SMARCB1: variants seen among roughly 807,000 people sequenced by gnomAD.
The protein encoded by SMARCB1 is SWI/SNF related BAF chromatin remodeling complex subunit B1.
In SMARCB1, 5 loss-of-function variants were observed where a neutral mutation model predicts 49.0. The ratio of observed to expected loss-of-function variants is 0.10; its 90% CI spans 0.05 to 0.21. The LOEUF (loss-of-function observed/expected upper bound fraction) is 0.21. SMARCB1 is among the 10% of genes least tolerant of loss of function. The pLI is 1.00. For missense variants in SMARCB1, 226 were observed against 509.2 expected, an observed-to-expected ratio of 0.44 and a Z score of 5.35; for synonymous variants, 201 against 200.1, an observed-to-expected ratio of 1.00 and a Z score of -0.04.
At chr22:23,807,350 G>A (rs565714477) in intron 5 of SMARCB1, among the ~76,000 whole-genome samples, 1 of 147,688 alleles carries the variant, frequency 6.8e-6, no homozygotes, top group Admixed American at 6.7e-5. Context: ...GCCTGAGGCT[G>A]AGGTGGGCAG....
chr22:23,798,437 C>T (rs150209429), intron 3 of SMARCB1, among the ~76,000 whole-genome samples: 650 of 152,200 alleles, frequency 4.3e-3, no homozygotes, highest in African/African-American at 0.015. Flanking sequence ...GCACTCTGAG[C>T]GGCCAGGATT....
chr22:23,807,389 G>C (rs927809246), intron 5 of SMARCB1, among the ~76,000 whole-genome samples: 2 of 152,088 alleles, frequency 1.3e-5, no homozygotes, highest in African/African-American at 4.8e-5. Flanking sequence ...TTCAAGACCA[G>C]CCTGGGTGTC....
intron 8 of SMARCB1, 96 bp downstream of exon 8, chr22:23,833,799 T>C: frequency 7.1e-7 from 1 of 1,400,962 alleles, no homozygotes; most frequent in Non-Finnish European, 1.0e-6. Context: ...CCATGGTCTC[T>C]GAGACAGAGT....
intron 3 of SMARCB1, 51 bp from the exon 4 acceptor site, chr22:23,800,893 C>T (rs1441362763): frequency 2.2e-6 from 3 of 1,347,238 alleles, no homozygotes; most frequent in South Asian, 2.3e-5. Flanking sequence ...TCCTGGTGGG[C>T]AGGATCAGGC....
intron 3 of SMARCB1, among the ~76,000 whole-genome samples, chr22:23,800,337 C>G (rs9620325): frequency 6.6e-6 from 1 of 152,240 alleles, no homozygotes; most frequent in Non-Finnish European, 1.5e-5. Context: ...TTCTCAACTT[C>G]TACTGCTGTG....
chr22:23,798,620 C>G (rs996745955), intron 3 of SMARCB1, among the ~76,000 whole-genome samples: 8 of 152,082 alleles, frequency 5.3e-5, no homozygotes, highest in African/African-American at 1.7e-4. Context: ...GTAAGTGATT[C>G]CCACTTTAGA....
chr22:23,813,655 TATC>T (rs1374677705), intron 5 of SMARCB1, among the ~76,000 whole-genome samples: 4 of 152,198 alleles, frequency 2.6e-5, no homozygotes, highest in African/African-American at 7.2e-5. Flanking sequence ...TAAGTAGACA[TATC>T]ATATTCATGG....
At chr22:23,801,305 C>G in intron 4 of SMARCB1, 1 of 735,614 alleles carries the variant, frequency 1.4e-6, no homozygotes, top group Non-Finnish European at 2.4e-6. Flanking sequence ...TCCTCCTCAC[C>G]TCTCTGGCCC....
At chr22:23,810,607 CATGATAAGAAAAA>C (rs1929813877) in intron 5 of SMARCB1, among the ~76,000 whole-genome samples, 1 of 149,680 alleles carries the variant, frequency 6.7e-6, no homozygotes, top group Admixed American at 6.7e-5. Context: ...CAAAAGAAAG[CATGATAAGAAAAA>C]ATGTAGATAA....
intron 3 of SMARCB1, among the ~76,000 whole-genome samples, chr22:23,800,743 C>T (rs919955786): frequency 6.6e-5 from 10 of 152,144 alleles, no homozygotes; most frequent in Non-Finnish European, 8.8e-5. Context: ...CCCTACGTAC[C>T]CTTGCCCTTG....
Position 23,836,912 on chromosome 22 carries a change from G to A in SMARCB1, c.*2732G>A. ...CAGATGGGGTCCTGGCTGTTCCTCA[G>A]GGAGGGGCAGGTAATTGGGGTCTTC... On this transcript the variant is annotated 3_prime_UTR_variant, in exon 9 of 9. Transcript: ENST00000644036. The A allele has an allele frequency of 1.3e-6, 2 of 1,528,886 alleles. No homozygotes were observed. Among genetic ancestry groups the A allele is most frequent in the South Asian group, 2.6e-5 (2 of 77,410 alleles). 94.7% of individuals were successfully genotyped at this position (1,528,886 alleles called of 1,614,324 possible).
In SMARCB1 at chr22:23,793,724, C is replaced by G. The variant is rs746835584; in HGVS notation, c.362+36C>G. The G allele has an allele frequency of 1.7e-5, 28 of 1,609,914 alleles. No individual in the cohort carries two copies. In the Middle Eastern group the frequency reaches 4.9e-4, roughly 28 times the overall value. ...CCTGGCCAGGGCATCTCTGGGGACA[C>G]CTGTGGGGTCTTTTCTGAGACTCAA... is the stretch of plus-strand genomic sequence containing the variant. On this transcript the variant is annotated intron_variant, in intron 3 of 8. Transcript: ENST00000644036.
intron 6 of SMARCB1, among the ~76,000 whole-genome samples, chr22:23,819,573 A>G (rs1167906638): frequency 6.6e-6 from 1 of 150,930 alleles, no homozygotes; most frequent in African/African-American, 2.4e-5. Context: ...AGCCTCCCAA[A>G]CTCAAATGAT....
rs527916721 is a variant in SMARCB1, at chr22:23,837,904, G to GC, written c.*3728dup. On this transcript the variant is annotated 3_prime_UTR_variant, in exon 9 of 9. Coordinates refer to ENST00000644036, the MANE Select transcript of SMARCB1 (RefSeq NM_003073.5). ...GTGCAGGCCTCAGCCCAAGCCCAGG[G>GC]CCCCTCTGACTTCCCAAGACCCTGG... The GC allele has an allele frequency of 1.0e-4, 157 of 1,554,216 alleles. 1 individual carries two copies. In the African/African-American group the frequency reaches 2.0e-3, roughly 20 times the overall value.
At position 23,837,071 on chromosome 22, in the gene SMARCB1, CA is replaced by C; in HGVS notation, c.*2892del. On this transcript the variant is annotated 3_prime_UTR_variant, in exon 9 of 9. Transcript: ENST00000644036. Reference sequence around the variant, plus strand: ...AGGGCTCTCAACACTCACAGGAAGCCAGGGGTCTGCAGGAGCCTCTTGCCTC... The same window carrying C: ...AGGGCTCTCAACACTCACAGGAAGCCGGGGTCTGCAGGAGCCTCTTGCCTC... 6.2e-7 allele frequency: 1 copy of C among 1,613,766 alleles called. No individual in the cohort carries two copies. The highest frequency in any genetic ancestry group is 8.5e-7 in the Non-Finnish European group (1 of 1,179,856).
At chr22:23,798,098 A>G (rs935185910) in intron 3 of SMARCB1, among the ~76,000 whole-genome samples, 5 of 151,284 alleles carry the variant, frequency 3.3e-5, no homozygotes, top group Admixed American at 2.6e-4. Context: ...CCCAGGCTCT[A>G]ACGTATCCAG....
intron 4 of SMARCB1, chr22:23,801,980 A>G (rs1188972249): frequency 6.4e-6 from 1 of 157,382 alleles, no homozygotes; most frequent in Admixed American, 6.0e-5. Flanking sequence ...TTTCTTTCCC[A>G]AGGCCTGCCT....
chr22:23,819,185 G>T lies in SMARCB1; in HGVS notation c.795+2249G>T, dbSNP rs189272300. ...TATTAAGGCTAAATAATATTCTGTT[G>T]TATGGATCTATCACATTTTTATTTA... is the stretch of plus-strand genomic sequence containing the variant. On this transcript the variant is annotated intron_variant, in intron 6 of 8. Transcript: ENST00000644036. Among the ~76,000 whole-genome samples the T allele has an allele frequency of 8.5e-5, 13 of 152,268 alleles. No individual in the cohort carries two copies. The East Asian group carries it at 1.9e-3, about 23-fold the overall frequency.
chr22:23,798,755 G>GAC (rs1928930085), intron 3 of SMARCB1, among the ~76,000 whole-genome samples: 1 of 152,068 alleles, frequency 6.6e-6, no homozygotes, highest in African/African-American at 2.4e-5. Context: ...AGAGGGAACT[G>GAC]TCAAACGTTT....
Sources: gnomAD v4.1 joint callset for allele counts (sites outside exome capture counted in the v4.1 genomes callset) on GRCh38, gnomAD v4.1.1 for gene constraint, MANE v1.5 for transcripts, NCBI Gene and HGNC (gene_info 2026-07-23, HGNC 2026-07-21) for gene names.